The following CPQ variants were observed in gnomAD, a reference collection of about 807,000 sequenced individuals.
The protein encoded by CPQ is carboxypeptidase Q, also known as Ser-Met dipeptidase.
CPQ carries 37 observed loss-of-function variants against 45.7 expected under a neutral mutation model. The observed-to-expected ratio is 0.81, with a 90% CI of 0.62 to 1.07. The LOEUF is 1.07. Among genes scored for constraint, CPQ ranks in the 50% least tolerant of loss-of-function variants. The pLI is 0.00. For synonymous variants in CPQ, 186 were observed against 205.8 expected (o/e 0.90, Z 0.82); for missense variants, 537 against 572.9 (o/e 0.94, Z 0.64).
intron 4 of CPQ, among the ~76,000 whole-genome samples, chr8:96,930,894 G>A (rs952787026): frequency 1.3e-5 from 2 of 152,210 alleles, no homozygotes; most frequent in African/African-American, 4.8e-5. Context: ...ATGGGGCAAA[G>A]ACAGACATCA....
rs190087240 is a variant in CPQ at position 96,869,247 on chromosome 8, C to T, written c.642-10551C>T. On this transcript the variant is annotated intron_variant, in intron 3 of 7. Coordinates refer to ENST00000220763, the MANE Select transcript of CPQ (RefSeq NM_016134.4). ...CACCAAATTTTGCCTTCATTTAGAC[C>T]ATTTGGAAGGCTGCCAAATGCTCTA... 1.1e-4 allele frequency among the ~76,000 whole-genome samples: 17 copies of T among 151,930 alleles called. No individual in the cohort carries two copies. In the East Asian group the frequency reaches 3.3e-3, roughly 30 times the overall value.
chr8:96,879,281 C>G (rs1292832979), intron 3 of CPQ, among the ~76,000 whole-genome samples: 1 of 152,140 alleles, frequency 6.6e-6, no homozygotes, highest in East Asian at 1.9e-4. Context: ...AGACATTGTT[C>G]TACACTTTTC....
chr8:96,753,758 A>T (rs1002914996), intron 1 of CPQ, among the ~76,000 whole-genome samples: 1 of 152,008 alleles, frequency 6.6e-6, no homozygotes, highest in Non-Finnish European at 1.5e-5. Flanking sequence ...CTTTTGAAAT[A>T]GTTGTATCTT....
intron 3 of CPQ, among the ~76,000 whole-genome samples, chr8:96,866,861 G>C (rs1345206522): frequency 2.6e-5 from 4 of 152,050 alleles, no homozygotes; most frequent in African/African-American, 9.7e-5. Context: ...GAATTCTTAG[G>C]CCTAGGCCTT....
At chr8:96,729,819 C>T in intron 1 of CPQ, among the ~76,000 whole-genome samples, 1 of 151,996 alleles carries the variant, frequency 6.6e-6, no homozygotes, top group Non-Finnish European at 1.5e-5. Context: ...CAGTCAGGAT[C>T]TAATCAAGGA....
chr8:96,992,481 ATAT>A (rs1267283843), intron 5 of CPQ, among the ~76,000 whole-genome samples: 7 of 152,160 alleles, frequency 4.6e-5, no homozygotes, highest in African/African-American at 1.7e-4. Flanking sequence ...TGTAGGGCAG[ATAT>A]TATTATTATC....
intron 1 of CPQ, among the ~76,000 whole-genome samples, chr8:96,742,177 T>C (rs1810102316): frequency 6.6e-6 from 1 of 151,618 alleles, no homozygotes; most frequent in Non-Finnish European, 1.5e-5. Context: ...GGTGCATATA[T>C]ATTTAGGATA....
At chr8:96,987,126 T>C (rs1209924382) in intron 5 of CPQ, among the ~76,000 whole-genome samples, 4 of 152,120 alleles carry the variant, frequency 2.6e-5, no homozygotes, top group Non-Finnish European at 5.9e-5. Flanking sequence ...TTGCATCTAC[T>C]TGAAGATGCC....
At chr8:96,962,857 AT>A (rs1340230363) in intron 4 of CPQ, among the ~76,000 whole-genome samples, 1 of 152,164 alleles carries the variant, frequency 6.6e-6, no homozygotes. Flanking sequence ...AAATCAATAG[AT>A]ATTAAAATTA....
intron 1 of CPQ, among the ~76,000 whole-genome samples, chr8:96,685,136 C>CAACAAAAAAACAAAAAACA (rs139480355): frequency 0.7 from 104,460 of 149,548 alleles, 36,928 homozygotes; most frequent in Middle Eastern, 0.82. Flanking sequence ...AAACAAAAAA[C>CAACAAAAAAACAAAAAACA]AAAAAACAGA....
intron 7 of CPQ, among the ~76,000 whole-genome samples, chr8:97,102,842 T>G (rs776022405): frequency 2.6e-5 from 4 of 152,184 alleles, no homozygotes; most frequent in Non-Finnish European, 5.9e-5. Flanking sequence ...TTAAGATGAC[T>G]TAAAACAACA....
At chr8:97,070,107 C>A (rs1810714677) in intron 7 of CPQ, among the ~76,000 whole-genome samples, 1 of 152,116 alleles carries the variant, frequency 6.6e-6, no homozygotes, top group Non-Finnish European at 1.5e-5. Flanking sequence ...TCCGCATAAA[C>A]TCTTTGTTCT....
At chr8:96,686,293 A>G (rs1198949041) in intron 1 of CPQ, among the ~76,000 whole-genome samples, 4 of 152,100 alleles carry the variant, frequency 2.6e-5, no homozygotes, top group Non-Finnish European at 5.9e-5. Flanking sequence ...TACTAATAAT[A>G]GAGTTTTCAT....
intron 7 of CPQ, among the ~76,000 whole-genome samples, chr8:97,122,856 G>C (rs1340427141): frequency 1.4e-5 from 2 of 144,508 alleles, no homozygotes; most frequent in Non-Finnish European, 3.0e-5. Flanking sequence ...CTGTACTCCA[G>C]CCTGGGCAAC....
chr8:96,770,797 A>G (rs1374663593), intron 1 of CPQ, among the ~76,000 whole-genome samples: 1 of 148,654 alleles, frequency 6.7e-6, no homozygotes, highest in Non-Finnish European at 1.5e-5. Flanking sequence ...ATGTAGTAGT[A>G]AGTGAACATA....
chr8:96,664,363 T>C (rs1808892695), intron 1 of CPQ, among the ~76,000 whole-genome samples: 1 of 152,174 alleles, frequency 6.6e-6, no homozygotes, highest in Non-Finnish European at 1.5e-5. Context: ...AAGCATGTCA[T>C]GGTCATTCTA....
chr8:96,760,478 A>T (rs2130791235), intron 1 of CPQ, among the ~76,000 whole-genome samples: 1 of 152,238 alleles, frequency 6.6e-6, no homozygotes, highest in East Asian at 1.9e-4. Flanking sequence ...CCTAAGTAGG[A>T]GTGGGCTCAG....
chr8:96,922,971 G>A (rs931576370), intron 4 of CPQ, among the ~76,000 whole-genome samples: 4 of 152,176 alleles, frequency 2.6e-5, no homozygotes, highest in African/African-American at 9.7e-5. Context: ...TAGCCCATAA[G>A]ATTAGCTGAC....
chr8:96,839,957 C>T (rs912713700), intron 3 of CPQ, among the ~76,000 whole-genome samples: 4 of 151,328 alleles, frequency 2.6e-5, no homozygotes, highest in Non-Finnish European at 5.9e-5. Flanking sequence ...TGATTAATGG[C>T]TTATCATGCT....
Sources: allele counts gnomAD v4.1 joint callset (sites outside exome capture counted in the v4.1 genomes callset), GRCh38; gene constraint gnomAD v4.1.1; transcripts MANE v1.5; gene names NCBI Gene and HGNC (gene_info 2026-07-23, HGNC 2026-07-21).